Variants in BOD1L1 observed in about 807,000 individuals in gnomAD.
BOD1L1 encodes the protein biorientation of chromosomes in cell division protein 1-like 1.
A neutral mutation model predicts 240.7 loss-of-function variants in BOD1L1; 86 were observed. That is an observed-to-expected ratio of 0.36 (90% CI 0.30 to 0.43). BOD1L1 has a LOEUF of 0.43. Ranked by LOEUF, BOD1L1 falls within the 20% of genes least tolerant of loss-of-function variation. BOD1L1 has a pLI of 1.00. For missense variants in BOD1L1, 3,554 were observed against 3,643.5 expected, an observed-to-expected ratio of 0.98 and a Z score of 0.63; for synonymous variants, 1,268 against 1,272.3, an observed-to-expected ratio of 1.00 and a Z score of 0.07.
rs1717480126 is a variant in BOD1L1 at position 13,627,413 on chromosome 4, T to G, written c.175A>C (p.Asn59His). Residue 59 changes from asparagine (N) to histidine (H), a missense_variant, in exon 1 of 26, where the codon AAC becomes CAC. By Grantham distance (68) the Asn-to-His change is moderately conservative. Coordinates refer to ENST00000040738, the MANE Select transcript of BOD1L1 (RefSeq NM_148894.3). The stretch of plus-strand genomic sequence containing the variant: ...AAGAGCCCCTGGCTCTTGAGGTGGT[T>G]CACGATCATGGCCACGAGCTGCGGG... ...GDPQLVAMIV[N>H]HLKSQGLFDQ... 1 of 1,390,808 alleles carries G rather than the reference T, an allele frequency of 7.2e-7. No homozygotes were observed. The highest frequency in any genetic ancestry group is 2.3e-5 in the Admixed American group (1 of 43,908). 86.2% of individuals were successfully genotyped at this position (1,390,808 alleles called of 1,614,324 possible).
Position 13,588,346 on chromosome 4 carries a change from C to T in BOD1L1, c.8280+376G>A, listed in dbSNP as rs565534154. Among the ~76,000 whole-genome samples the T allele has an allele frequency of 2.0e-5, 3 of 152,254 alleles. No individual in the cohort carries two copies. The East Asian group carries it at 5.8e-4, about 29-fold the overall frequency. On this transcript the variant is annotated intron_variant, in intron 15 of 25. Transcript: ENST00000040738. ...ACTATATTTCAATAATTCTAAAACG[C>T]ATTTAAAAAAATTATTTATCATTTC...
rs912411823 is a variant in BOD1L1, at chr4:13,608,446, C to A, written c.1742+84G>T. The A allele has an allele frequency of 1.1e-4, 135 of 1,265,080 alleles. 1 individual carries two copies. The highest frequency in any genetic ancestry group is 1.3e-4 in the Non-Finnish European group (127 of 963,880). 78.4% of individuals were successfully genotyped at this position (1,265,080 alleles called of 1,614,324 possible). On this transcript the variant is annotated intron_variant, in intron 8 of 25. Transcript: ENST00000040738. ...AGTAACATACACAACCAAAGTACAA[C>A]TCTTTACTGTCACTTCAATTCCTCT...
In BOD1L1 at chr4:13,602,003, C is replaced by T. The variant is rs2108948944; in HGVS notation, c.4897G>A (p.Val1633Met). 1.2e-6 allele frequency: 2 copies of T among 1,614,026 alleles called. No homozygotes were observed. The highest frequency in any genetic ancestry group is 1.7e-6 in the Non-Finnish European group (2 of 1,179,904). Residue 1633 changes from valine (V) to methionine (M), a missense_variant, in exon 10 of 26, where the codon GTG becomes ATG. By Grantham distance (21) the Val-to-Met change is conservative (BLOSUM62 1). Around this residue, in one of 2 missense-constraint regions of BOD1L1, gnomAD observed 3,393 missense variants for 3,427.1 expected, o/e 0.99. Transcript: ENST00000040738. ...SEDRAADLLA[V>M]HAVKIEANVN... ...TTGGCTTCGATTTTAACTGCATGCACAGCCAGTAGGTCTGCTGCTCTGTCC... is the reference window on the plus strand; with the variant it reads ...TTGGCTTCGATTTTAACTGCATGCATAGCCAGTAGGTCTGCTGCTCTGTCC...
At chr4:13,625,158 G>A (rs952700732) in intron 1 of BOD1L1, 1 of 152,066 alleles carries the variant, frequency 6.6e-6, no homozygotes, top group Non-Finnish European at 1.5e-5. Context: ...ACTGTGCCTC[G>A]GAATGGAAGA....
chr4:13,616,989 G>A (rs1419827711), intron 2 of BOD1L1, among the ~76,000 whole-genome samples: 2 of 152,188 alleles, frequency 1.3e-5, no homozygotes, highest in African/African-American at 2.4e-5. Flanking sequence ...GCTCACGCCT[G>A]TAATCCCAGC....
Position 13,586,401 on chromosome 4 carries a change from T to C in BOD1L1, c.8428A>G (p.Thr2810Ala). Residue 2810 changes from threonine (T) to alanine (A), a missense_variant, in exon 17 of 26, where the codon ACA becomes GCA. Thr to Ala is a moderately conservative substitution (Grantham distance 58). Coordinates refer to ENST00000040738, the MANE Select transcript of BOD1L1 (RefSeq NM_148894.3). ...RQCPETEPHD[T>A]KEENSRDLEE... The stretch of plus-strand genomic sequence containing the variant: ...CTAATATGTGGAAAAAATACCTTTG[T>C]GTCATGTGGCTCCGTTTCAGGACAC... 1 of 1,609,852 alleles carries C rather than the reference T, an allele frequency of 6.2e-7. No individual in the cohort carries two copies. The highest frequency in any genetic ancestry group is 8.5e-7 in the Non-Finnish European group (1 of 1,177,140).
intron 16 of BOD1L1, 58 bp downstream of exon 16, chr4:13,587,641 T>C (rs1423999353): frequency 3.8e-6 from 5 of 1,307,342 alleles, no homozygotes; most frequent in Admixed American, 2.1e-5. Flanking sequence ...CTCACTCTTT[T>C]GGATATAAAA....
At position 13,599,915 on chromosome 4, in the gene BOD1L1, T is replaced by G; in HGVS notation, c.6985A>C (p.Ile2329Leu). The change falls in exon 10 of 26, where the codon ATC (isoleucine) becomes CTC (leucine). Residue 2329 changes from isoleucine (I) to leucine (L), a missense_variant. Transcript: ENST00000040738. ...TRVEDLSDAA[I>L]ISTSTAECMP... ...CATTCTGCTGTGCTGGTGGAGATGA[T>G]GGCAGCATCGCTCAAGTCTTCTACT... 1.2e-6 allele frequency: 2 copies of G among 1,613,832 alleles called. No individual in the cohort carries two copies. The highest frequency in any genetic ancestry group is 1.7e-6 in the Non-Finnish European group (2 of 1,179,818).
intron 21 of BOD1L1, among the ~76,000 whole-genome samples, chr4:13,580,590 C>T (rs938498158): frequency 4.6e-5 from 7 of 152,092 alleles, no homozygotes; most frequent in African/African-American, 1.4e-4. Flanking sequence ...AGATAAAGAA[C>T]GTTCAAACAT....
Position 13,605,767 on chromosome 4 carries a change from G to T in BOD1L1, c.1816-683C>A, listed in dbSNP as rs546369912. Reference sequence around the variant, plus strand: ...GCTGAATTATGTATGGAAACCTCATGAATTTAGGCTACTTGTACAATATTC... The same window carrying T: ...GCTGAATTATGTATGGAAACCTCATTAATTTAGGCTACTTGTACAATATTC... On this transcript the variant is annotated intron_variant, in intron 9 of 25. Transcript: ENST00000040738. Among the ~76,000 whole-genome samples the T allele has an allele frequency of 1.2e-4, 18 of 152,266 alleles. No individual in the cohort carries two copies. The South Asian group carries it at 3.7e-3, about 32-fold the overall frequency.
intron 1 of BOD1L1, among the ~76,000 whole-genome samples, chr4:13,623,143 CT>C (rs1717150963): frequency 1.3e-5 from 2 of 152,214 alleles, no homozygotes; most frequent in East Asian, 1.9e-4. Context: ...CCTCATCTTG[CT>C]TTTTTCCATA....
At chr4:13,616,827 T>C (rs957497005) in intron 2 of BOD1L1, among the ~76,000 whole-genome samples, 11 of 152,152 alleles carry the variant, frequency 7.2e-5, no homozygotes, top group Non-Finnish European at 4.4e-5. Flanking sequence ...ACCTGCTTTT[T>C]AAAGATTAAA....
At position 13,586,467 on chromosome 4, in the gene BOD1L1, G is replaced by A; in HGVS notation, c.8362C>T (p.Pro2788Ser). The A allele has an allele frequency of 6.2e-7, 1 of 1,606,288 alleles. No individual in the cohort carries two copies. The highest frequency in any genetic ancestry group is 8.5e-7 in the Non-Finnish European group (1 of 1,174,360). Residue 2788 changes from proline (P) to serine (S), a missense_variant, in exon 17 of 26, where the codon CCA (proline) becomes TCA (serine). By Grantham distance (74) the Pro-to-Ser change is moderately conservative (BLOSUM62 -1). Around this residue, in one of 2 missense-constraint regions of BOD1L1, gnomAD observed 3,393 missense variants for 3,427.1 expected, o/e 0.99. Coordinates refer to ENST00000040738, the MANE Select transcript of BOD1L1 (RefSeq NM_148894.3). ...LSSEDEPDDNPDVLDSRIETA... is the reference protein window; with the variant it reads ...LSSEDEPDDNSDVLDSRIETA... ...TCTATTCTGGAATCCAGGACATCTG[G>A]ATTATCATCTGTAAATCAGTTTAGA...
In BOD1L1 at chr4:13,577,577, C is replaced by G. The variant is rs1416327135; in HGVS notation, c.8799+5G>C. 1 of 1,573,696 alleles carries G rather than the reference C, an allele frequency of 6.4e-7. No individual in the cohort carries two copies. The highest frequency in any genetic ancestry group is 8.7e-7 in the Non-Finnish European group (1 of 1,155,192). On this transcript the variant is annotated splice_donor_5th_base_variant and intron_variant, in intron 23 of 25. Transcript: ENST00000040738. ...ACATATCTTGATAAGAAATTTAACACTTACATTGCTTATACTTCTTTCTTG... is the reference window on the plus strand; with the variant it reads ...ACATATCTTGATAAGAAATTTAACAGTTACATTGCTTATACTTCTTTCTTG...
chr4:13,573,138 A>C (rs565715240), intron 25 of BOD1L1, among the ~76,000 whole-genome samples: 2 of 152,342 alleles, frequency 1.3e-5, no homozygotes, highest in South Asian at 2.1e-4. Context: ...TAAAGATTAC[A>C]AAAGAGCTCA....
chr4:13,604,542 T>A lies in BOD1L1; in HGVS notation c.2358A>T (p.Lys786Asn). ...SQQTKLSSDD[K>N]TERKSKHRNE... The stretch of plus-strand genomic sequence containing the variant: ...TCCTATGTTTACTTTTTCGTTCGGT[T>A]TTATCATCTGAAGAAAGCTTTGTTT... Residue 786 changes from lysine (K) to asparagine (N), a missense_variant, in exon 10 of 26, where the codon AAA (lysine) becomes AAT (asparagine). Physicochemically the swap from Lys to Asn is moderately conservative, Grantham distance 94. Transcript: ENST00000040738. 6.5e-7 allele frequency: 1 copy of A among 1,545,242 alleles called. No homozygotes were observed. The highest frequency in any genetic ancestry group is 1.4e-5 in the African/African-American group (1 of 72,064).
In BOD1L1 at chr4:13,603,454, A is replaced by G. The variant is rs767663285; in HGVS notation, c.3446T>C (p.Ile1149Thr). 7.4e-6 allele frequency: 12 copies of G among 1,613,764 alleles called. No homozygotes were observed. The highest frequency in any genetic ancestry group is 3.3e-4 in the Middle Eastern group (2 of 6,084). The change falls in exon 10 of 26, where the codon ATT (isoleucine) becomes ACT (threonine). Residue 1149 changes from isoleucine to threonine, a missense_variant. By Grantham distance (89) the Ile-to-Thr change is moderately conservative (BLOSUM62 -1). Around this residue, in one of 2 missense-constraint regions of BOD1L1, gnomAD observed 3,393 missense variants for 3,427.1 expected, o/e 0.99. Transcript: ENST00000040738. ...TTTTTGTTTCATATTTTCAGAGTCA[A>G]TGTCTTGCTGAGAATTATTATTGCG... ...DNRNNNSQQDIDSENMKQKTS... is the reference protein window; with the variant it reads ...DNRNNNSQQDTDSENMKQKTS...
rs138054579 is a variant in BOD1L1, at chr4:13,619,954, T to C, written c.357A>G (p.Gln119=). The part of the protein sequence containing the change: ...NKNQLRNNIR[Q]QVLKSGMLES... ...TCTCTGAGACTTACTTGAGGACTTG[T>C]TGTCTAATGTTGTTTCTTAGCTGGT... The change falls in exon 2 of 26, where the codon CAA becomes CAG. Residue 119 remains glutamine (Q), a synonymous_variant. Transcript: ENST00000040738. The C allele has an allele frequency of 2.2e-5, 35 of 1,612,964 alleles. No homozygotes were observed. In the African/African-American group the frequency reaches 2.5e-4, roughly 12 times the overall value.
chr4:13,605,049 C>G lies in BOD1L1; in HGVS notation c.1851G>C (p.Glu617Asp), dbSNP rs150403636. The change falls in exon 10 of 26, where the codon GAG becomes GAC. Residue 617 changes from glutamate (E) to aspartate (D), a missense_variant. Physicochemically the swap from Glu to Asp is conservative, Grantham distance 45 (BLOSUM62 2). Transcript: ENST00000040738. ...CACTTTTTGCATGAACATGCTTCAG[C>G]TCCTTTGAAGAAGAAATTTTTTCCT... ...CEKEKISSSK[E>D]LKHVHAKSEP... The G allele has an allele frequency of 6.1e-5, 96 of 1,574,506 alleles. No individual in the cohort carries two copies. The highest frequency in any genetic ancestry group is 1.2e-4 in the South Asian group (10 of 84,006).
Sources: gnomAD v4.1 joint callset for allele counts (sites outside exome capture counted in the v4.1 genomes callset) on GRCh38, gnomAD v4.1.1 for gene constraint, gnomAD v4.1.1 regional missense constraint, MANE v1.5 for transcripts, NCBI Gene and HGNC (gene_info 2026-07-23, HGNC 2026-07-21) for gene names.